TFDP1: variants seen among roughly 807,000 people sequenced by gnomAD.
The protein encoded by TFDP1 is transcription factor Dp-1, also known as DRTF1-polypeptide 1.
In TFDP1, 6 loss-of-function variants were observed where a neutral mutation model predicts 48.0. The ratio of observed to expected loss-of-function variants is 0.13; its 90% confidence interval spans 0.07 to 0.25. The LOEUF (loss-of-function observed/expected upper bound fraction) is 0.25, where lower values mean the gene tolerates loss of function less well. Ranked by LOEUF, TFDP1 falls within the 10% of genes least tolerant of loss-of-function variation. The pLI is 1.00. For missense variants in TFDP1, 335 were observed against 543.0 expected, an observed-to-expected ratio of 0.62 and a Z score of 3.81; for synonymous variants, 201 against 211.6, an observed-to-expected ratio of 0.95 and a Z score of 0.44.
Position 113,633,099 on chromosome 13 carries a change from CTT to C in TFDP1, c.309-18_309-17del. ...CTCAGGAGGGCTGACAGTCGCTTCT[CTT>C]TTCCTTTGTATTTTGAAGGAAGCGC... On this transcript the variant is annotated intron_variant, in intron 5 of 11. Coordinates refer to ENST00000375370, the MANE Select transcript of TFDP1 (RefSeq NM_007111.5). This position sits in a 1 kb window ranked among gnomAD's most constrained non-coding sequence, Gnocchi z 4.5. 6.2e-7 allele frequency: 1 copy of C among 1,604,956 alleles called. No homozygotes were observed. The highest frequency in any genetic ancestry group is 8.5e-7 in the Non-Finnish European group (1 of 1,174,908).
Position 113,623,311 on chromosome 13 carries a change from G to A in TFDP1, c.186+25G>A. ...GGTAAGCCTCCCGCAGGAGCGGACAGCCGGGATCTCGGTGTGAGGTCGGGA... is the reference window on the plus strand; with the variant it reads ...GGTAAGCCTCCCGCAGGAGCGGACAACCGGGATCTCGGTGTGAGGTCGGGA... On this transcript the variant is annotated intron_variant, in intron 4 of 11. Transcript: ENST00000375370. This position sits in a 1 kb window ranked among gnomAD's most constrained non-coding sequence, Gnocchi z 5.2. The A allele has an allele frequency of 1.3e-6, 2 of 1,586,360 alleles. No individual in the cohort carries two copies. The highest frequency in any genetic ancestry group is 1.7e-6 in the Non-Finnish European group (2 of 1,165,340).
At chr13:113,587,105 A>G (rs2048024671) in intron 2 of TFDP1, among the ~76,000 whole-genome samples, 1 of 152,138 alleles carries the variant, frequency 6.6e-6, no homozygotes, top group Non-Finnish European at 1.5e-5. Flanking sequence ...GCTTTGATAC[A>G]TAATGGATGG....
chr13:113,640,371 T>G lies in TFDP1; in HGVS notation c.*104T>G. ...TCCTTTTGGCCTACTCCCAAGAAGA[T>G]ATTGGTAAGCTATTGAATTTAGATA... On this transcript the variant is annotated 3_prime_UTR_variant, in exon 12 of 12. Transcript: ENST00000375370. The G allele has an allele frequency of 6.7e-7, 1 of 1,502,700 alleles. No individual in the cohort carries two copies. Among genetic ancestry groups the G allele is most frequent in the Non-Finnish European group, 8.8e-7 (1 of 1,132,994 alleles). 93.1% of individuals were successfully genotyped at this position (1,502,700 alleles called of 1,614,324 possible). A position where few individuals can be genotyped will look rare whatever the true frequency, so the allele number is the denominator to read the frequency against.
rs552121387 is a variant in TFDP1, at chr13:113,588,348, T to G, written c.12+2499T>G. On this transcript the variant is annotated intron_variant, in intron 2 of 11. Transcript: ENST00000375370. ...TGGAGCTAGGCCCTGGTAGTCACCA[T>G]GGAGGAGGAGAAACAAGGACATCCA... 1.4e-3 allele frequency among the ~76,000 whole-genome samples: 220 copies of G among 152,250 alleles called. 1 individual carries two copies. The highest frequency in any genetic ancestry group is 2.1e-3 in the Non-Finnish European group (144 of 68,018).
chr13:113,634,391 C>CT (rs2049417638), intron 7 of TFDP1, 143 bp from the exon 8 acceptor site: 2 of 717,676 alleles, frequency 2.8e-6, no homozygotes, highest in Non-Finnish European at 4.8e-6. Context: ...GTAGCACCTG[C>CT]TATGTCTAGA....
intron 3 of TFDP1, among the ~76,000 whole-genome samples, chr13:113,617,960 TTAAC>T (rs1390078021): frequency 6.6e-6 from 1 of 152,250 alleles, no homozygotes; most frequent in Non-Finnish European, 1.5e-5. Context: ...ATATATATTC[TTAAC>T]TAGTTTTCTT....
intron 3 of TFDP1, among the ~76,000 whole-genome samples, chr13:113,620,514 C>A (rs1000274663): frequency 6.6e-6 from 1 of 152,140 alleles, no homozygotes; most frequent in Non-Finnish European, 1.5e-5. Flanking sequence ...ACTACATATT[C>A]TTGAAAACTG....
chr13:113,634,614 C>T lies in TFDP1; in HGVS notation c.687+12C>T, dbSNP rs769235091. On this transcript the variant is annotated intron_variant, in intron 8 of 11. Coordinates refer to ENST00000375370, the MANE Select transcript of TFDP1 (RefSeq NM_007111.5). ...AACTTATTCTACAGGTAAGAGAATA[C>T]GTATCTGTGGAGGCAGGGTAATTTT... The T allele has an allele frequency of 1.6e-5, 25 of 1,594,882 alleles. No individual in the cohort carries two copies. The highest frequency in any genetic ancestry group is 6.8e-5 in the South Asian group (6 of 88,778).
rs1267227863 is a variant in TFDP1, at chr13:113,598,320, G to T, written c.12+12471G>T. ...CAGTTTTGCATTTGTGCCTGTTGTA[G>T]ACTAGAGCATCATTTGGTGTTTTTC... is the stretch of plus-strand genomic sequence containing the variant. On this transcript the variant is annotated intron_variant, in intron 2 of 11. Coordinates refer to ENST00000375370, the MANE Select transcript of TFDP1 (RefSeq NM_007111.5). This position sits in a 1 kb window ranked among gnomAD's most constrained non-coding sequence, Gnocchi z 4.2. Among the ~76,000 whole-genome samples, 1 of 152,198 alleles carries T rather than the reference G, an allele frequency of 6.6e-6. No homozygotes were observed. Among genetic ancestry groups the T allele is most frequent in the East Asian group, 1.9e-4 (1 of 5,190 alleles).
intron 3 of TFDP1, among the ~76,000 whole-genome samples, chr13:113,619,023 G>C (rs1594485880): frequency 2.0e-5 from 3 of 152,128 alleles, no homozygotes; most frequent in South Asian, 2.1e-4. Context: ...GCAGACTCGG[G>C]GGGAGGCTGA....
intron 4 of TFDP1, 92 bp from the exon 5 acceptor site, chr13:113,631,531 G>A: frequency 6.8e-7 from 1 of 1,475,996 alleles, no homozygotes; most frequent in Non-Finnish European, 9.0e-7. Flanking sequence ...AGGAAATTCA[G>A]CAGTGGCTGC....
chr13:113,616,239 A>G (rs1051289366), intron 3 of TFDP1, among the ~76,000 whole-genome samples: 4 of 150,546 alleles, frequency 2.7e-5, no homozygotes, highest in Admixed American at 2.0e-4. Flanking sequence ...GTGTAAGTGT[A>G]CATTTGAGCG....
chr13:113,595,896 C>A (rs969258993), intron 2 of TFDP1, among the ~76,000 whole-genome samples: 5 of 152,232 alleles, frequency 3.3e-5, no homozygotes, highest in Non-Finnish European at 4.4e-5. Context: ...TCCTGGCTAA[C>A]ATGGTGAAAC....
At position 113,636,263 on chromosome 13, in the gene TFDP1, G is replaced by T. The variant is rs563574443; in HGVS notation, c.839+135G>T. 8.2e-5 allele frequency: 106 copies of T among 1,292,090 alleles called. No individual in the cohort carries two copies. In the African/African-American group the frequency reaches 1.4e-3, roughly 17 times the overall value. 80.0% of individuals were successfully genotyped at this position (1,292,090 alleles called of 1,614,324 possible). On this transcript the variant is annotated intron_variant, in intron 9 of 11. Transcript: ENST00000375370. ...TGTTGCACAAATTGCTGTCCATTGG[G>T]GGGTGGTGGGAGGCTGCCGCCATGT...
chr13:113,585,987 G>C (rs1274493878), intron 2 of TFDP1, 138 bp downstream of exon 2: 3 of 995,570 alleles, frequency 3.0e-6, no homozygotes, highest in South Asian at 3.6e-5. Context: ...GTCTGAAGCG[G>C]GATGAAGGTG....
In TFDP1 at chr13:113,640,584, A is replaced by C. The variant is rs1357948138; in HGVS notation, c.*317A>C. Reference sequence around the variant, plus strand: ...AAAGTTTTTGCTGAGTTTGCTGAAGAAATTGTATTTCAACCACATCCATGA... The same window carrying C: ...AAAGTTTTTGCTGAGTTTGCTGAAGCAATTGTATTTCAACCACATCCATGA... On this transcript the variant is annotated 3_prime_UTR_variant, in exon 12 of 12. Coordinates refer to ENST00000375370, the MANE Select transcript of TFDP1 (RefSeq NM_007111.5). The C allele has an allele frequency of 3.4e-6, 1 of 297,500 alleles. No homozygotes were observed. The highest frequency in any genetic ancestry group is 6.3e-6 in the Non-Finnish European group (1 of 158,760). The allele number at this position is 297,500 out of a possible 1,614,324, so 18.4% of individuals were successfully genotyped here.
intron 3 of TFDP1, among the ~76,000 whole-genome samples, chr13:113,615,859 T>G (rs2048844256): frequency 1.3e-5 from 2 of 150,732 alleles, no homozygotes; most frequent in South Asian, 4.2e-4. Context: ...CTGCAGTGAG[T>G]TGTGATTGTG....
chr13:113,613,306 A>G (rs931658700), intron 3 of TFDP1, among the ~76,000 whole-genome samples: 12 of 152,124 alleles, frequency 7.9e-5, no homozygotes, highest in Non-Finnish European at 1.0e-4. Context: ...GAGCCACTGC[A>G]CCCGGCCACA....
intron 3 of TFDP1, among the ~76,000 whole-genome samples, chr13:113,618,060 A>G (rs1430798482): frequency 6.6e-6 from 1 of 152,200 alleles, no homozygotes; most frequent in African/African-American, 2.4e-5. Context: ...AGTGCCTTTT[A>G]CAGTTGAAAC....
Sources: allele counts gnomAD v4.1 joint callset (sites outside exome capture counted in the v4.1 genomes callset), GRCh38; gene constraint gnomAD v4.1.1; non-coding constraint Gnocchi (gnomAD v3.1); transcripts MANE v1.5; gene names NCBI Gene and HGNC (gene_info 2026-07-23, HGNC 2026-07-21).